Variants in BAZ2B observed in about 807,000 individuals in gnomAD.
BAZ2B encodes the protein bromodomain adjacent to zinc finger domain 2B, also known as bromodomain adjacent to zinc finger domain protein 2B.
BAZ2B carries 91 observed loss-of-function variants against 246.0 expected under a neutral mutation model. That is an observed-to-expected ratio of 0.37 (90% CI 0.31 to 0.44). The LOEUF (loss-of-function observed/expected upper bound fraction) is 0.44. Among genes scored for constraint, BAZ2B ranks in the 20% least tolerant of loss-of-function variants. The pLI is 1.00. For synonymous variants in BAZ2B, 855 were observed against 860.0 expected (o/e 0.99, Z 0.10); for missense variants, 2,332 against 2,533.7 (o/e 0.92, Z 1.71).
At chr2:159,496,741 C>T (rs1159983974) in intron 2 of BAZ2B, among the ~76,000 whole-genome samples, 1 of 140,294 alleles carries the variant, frequency 7.1e-6, no homozygotes, top group Admixed American at 7.5e-5. Context: ...CAAGATCGCG[C>T]CATTGCACTC....
intron 1 of BAZ2B, among the ~76,000 whole-genome samples, chr2:159,594,099 T>C (rs747131697): frequency 6.6e-6 from 1 of 152,194 alleles, no homozygotes; most frequent in Non-Finnish European, 1.5e-5. Context: ...ATATTCTGCA[T>C]GTGCATTAAA....
downstream of BAZ2B, among the ~76,000 whole-genome samples, chr2:159,318,050 T>C (rs749499418): frequency 1.3e-5 from 2 of 152,220 alleles, no homozygotes; most frequent in Non-Finnish European, 2.9e-5. Flanking sequence ...AATTTTGGTG[T>C]GTGTGTTTAA....
intron 1 of BAZ2B, among the ~76,000 whole-genome samples, chr2:159,600,226 C>A (rs1160267515): frequency 1.3e-5 from 2 of 152,008 alleles, no homozygotes; most frequent in Non-Finnish European, 2.9e-5. Flanking sequence ...TGTAAATAAG[C>A]CATACCTCAT....
At chr2:159,711,118 G>C in the BAZ2B span, among the ~76,000 whole-genome samples, 3 of 152,186 alleles carry the variant, frequency 2.0e-5, no homozygotes, top group Non-Finnish European at 4.4e-5. Flanking sequence ...GTAAGAGGCA[G>C]GGGTGGAATT....
the BAZ2B span, chr2:159,689,620 C>T: frequency 4.0e-6 from 1 of 247,768 alleles, no homozygotes; most frequent in Non-Finnish European, 7.7e-6. Context: ...ATTATCCGCC[C>T]ACCTCAGCCC....
the BAZ2B span, among the ~76,000 whole-genome samples, chr2:159,654,062 A>G: frequency 1.3e-5 from 2 of 152,218 alleles, no homozygotes; most frequent in East Asian, 3.8e-4. Context: ...TTTTCCTGTT[A>G]TAATAGTGGG....
the BAZ2B span, among the ~76,000 whole-genome samples, chr2:159,662,253 G>A: frequency 6.6e-6 from 1 of 152,146 alleles, no homozygotes; most frequent in Non-Finnish European, 1.5e-5. Context: ...TGGACATTTA[G>A]TTCTTTCCAC....
At chr2:159,482,774 C>A (rs1182068954) in intron 2 of BAZ2B, among the ~76,000 whole-genome samples, 1 of 152,010 alleles carries the variant, frequency 6.6e-6, no homozygotes, top group Non-Finnish European at 1.5e-5. Flanking sequence ...ATTTTGTTGA[C>A]AAAATATGTT....
chr2:159,698,083 T>A, the BAZ2B span, among the ~76,000 whole-genome samples: 1 of 152,210 alleles, frequency 6.6e-6, no homozygotes, highest in African/African-American at 2.4e-5. Flanking sequence ...AATATCAGAA[T>A]GAAAAGACTC....
At chr2:159,481,384 A>C (rs1282680536) in intron 2 of BAZ2B, among the ~76,000 whole-genome samples, 1 of 151,750 alleles carries the variant, frequency 6.6e-6, no homozygotes, top group Non-Finnish European at 1.5e-5. Context: ...ACAAACCTGC[A>C]TGTTGTGCAC....
At chr2:159,687,324 T>TA in the BAZ2B span, among the ~76,000 whole-genome samples, 2 of 152,124 alleles carry the variant, frequency 1.3e-5, no homozygotes, top group Non-Finnish European at 2.9e-5. Flanking sequence ...AGCCTCAAGA[T>TA]AGAGGCTGGT....
intron 27 of BAZ2B, among the ~76,000 whole-genome samples, chr2:159,350,933 A>G (rs1057499850): frequency 2.0e-5 from 3 of 151,746 alleles, no homozygotes; most frequent in African/African-American, 4.8e-5. Context: ...GGGAGGGATA[A>G]CATTGGGAGA....
At chr2:159,567,920 C>T (rs928505431) in intron 1 of BAZ2B, among the ~76,000 whole-genome samples, 1 of 152,108 alleles carries the variant, frequency 6.6e-6, no homozygotes, top group Non-Finnish European at 1.5e-5. Flanking sequence ...TGCCGTGAGC[C>T]AAGATTGTGC....
chr2:159,338,589 C>T (rs2066066244), intron 31 of BAZ2B, among the ~76,000 whole-genome samples: 1 of 152,126 alleles, frequency 6.6e-6, no homozygotes, highest in South Asian at 2.1e-4. Context: ...ATTTCCTATT[C>T]TTTAGGAAAT....
the BAZ2B span, among the ~76,000 whole-genome samples, chr2:159,683,505 T>C: frequency 6.6e-6 from 1 of 152,208 alleles, no homozygotes; most frequent in African/African-American, 2.4e-5. Flanking sequence ...CTCCAAAATA[T>C]TCCCTTATGC....
intron 14 of BAZ2B, among the ~76,000 whole-genome samples, chr2:159,410,289 T>TA (rs962525421): frequency 1.3e-5 from 2 of 152,118 alleles, no homozygotes; most frequent in Non-Finnish European, 2.9e-5. Flanking sequence ...CCAAATAAAA[T>TA]AAAAAAATCT....
At position 159,330,132 on chromosome 2, in the gene BAZ2B, A is replaced by G. The variant is rs145342968; in HGVS notation, c.5943+2408T>C. Among the ~76,000 whole-genome samples the G allele has an allele frequency of 5.9e-5, 9 of 152,370 alleles. No homozygotes were observed. In the East Asian group the frequency reaches 9.6e-4, roughly 16 times the overall value. On this transcript the variant is annotated intron_variant, in intron 34 of 36. Coordinates refer to ENST00000392783, the MANE Select transcript of BAZ2B (RefSeq NM_013450.4). ...ATGATGCCATGTAAGACCACTTGCT[A>G]TCTTGTGAAATATAGTCTAAAATAT... is the stretch of plus-strand genomic sequence containing the variant.
chr2:159,450,160 T>C (rs2074852789), intron 4 of BAZ2B, among the ~76,000 whole-genome samples: 1 of 152,168 alleles, frequency 6.6e-6, no homozygotes, highest in South Asian at 2.1e-4. Flanking sequence ...TCAAATATTT[T>C]AGACATAATC....
At chr2:159,344,511 G>A (rs2067387957) in intron 31 of BAZ2B, among the ~76,000 whole-genome samples, 1 of 140,336 alleles carries the variant, frequency 7.1e-6, no homozygotes, top group Non-Finnish European at 1.5e-5. Flanking sequence ...TCCAGCCCGG[G>A]CAACAAGAGT....
Sources: gnomAD v4.1 joint callset for allele counts (sites outside exome capture counted in the v4.1 genomes callset) on GRCh38, gnomAD v4.1.1 for gene constraint, MANE v1.5 for transcripts, NCBI Gene and HGNC (gene_info 2026-07-23, HGNC 2026-07-21) for gene names.